Variants in PPFIA2 observed in about 807,000 individuals in gnomAD.
PPFIA2 encodes PPFI scaffold protein A2, also known as liprin-alpha-2.
Under a neutral mutation model 175.5 loss-of-function variants are expected in PPFIA2, and 46 were observed. The ratio of observed to expected loss-of-function variants is 0.26; its 90% CI spans 0.21 to 0.34. The LOEUF (loss-of-function observed/expected upper bound fraction) is 0.34, where lower values mean the gene tolerates loss of function less well. PPFIA2 is among the 10% of genes least tolerant of loss of function. PPFIA2 has a pLI of 1.00. For synonymous variants in PPFIA2, 568 were observed against 511.4 expected, an observed-to-expected ratio of 1.11 and a Z score of -1.49; for missense variants, 1,179 against 1,506.1, an observed-to-expected ratio of 0.78 and a Z score of 3.60.
intron 3 of PPFIA2, among the ~76,000 whole-genome samples, chr12:81,689,113 G>A (rs1489750374): frequency 2.6e-5 from 3 of 116,850 alleles, no homozygotes; most frequent in African/African-American, 1.2e-4. Context: ...GGAGAGATGA[G>A]ATCTTAAATT....
intron 4 of PPFIA2, among the ~76,000 whole-genome samples, chr12:81,486,629 C>T (rs2058847853): frequency 6.6e-6 from 1 of 151,740 alleles, no homozygotes; most frequent in South Asian, 2.1e-4. Flanking sequence ...ATATTTAAAT[C>T]AGCTTGTCAT....
chr12:81,444,164 T>C (rs1423322432), intron 6 of PPFIA2, among the ~76,000 whole-genome samples: 1 of 152,160 alleles, frequency 6.6e-6, no homozygotes, highest in Non-Finnish European at 1.5e-5. Flanking sequence ...ATGCCAACCT[T>C]TCTTGAAGAC....
intron 22 of PPFIA2, among the ~76,000 whole-genome samples, chr12:81,308,627 G>A (rs1315523664): frequency 6.6e-6 from 1 of 151,934 alleles, no homozygotes; most frequent in African/African-American, 2.4e-5. Context: ...CTTTTCCTAT[G>A]GTTCATTTGT....
rs189071529 is a variant in PPFIA2, at chr12:81,429,544, T to C, written c.645+10428A>G. Among the ~76,000 whole-genome samples, 3 of 152,164 alleles carry C rather than the reference T, an allele frequency of 2.0e-5. No homozygotes were observed. The East Asian group carries it at 5.8e-4, about 29-fold the overall frequency. On this transcript the variant is annotated intron_variant, in intron 7 of 32. Transcript: ENST00000549396. Reference sequence around the variant, plus strand: ...CAGCAAATCTCCTACTTTCTCCATGTTTTTCTGCATAATTATCAGCTATTT... The same window carrying C: ...CAGCAAATCTCCTACTTTCTCCATGCTTTTCTGCATAATTATCAGCTATTT...
At chr12:81,333,399 C>T (rs1489757922) in intron 21 of PPFIA2, among the ~76,000 whole-genome samples, 1 of 152,116 alleles carries the variant, frequency 6.6e-6, no homozygotes. Context: ...TTATGTTCTC[C>T]GAACGTGATT....
At chr12:81,458,820 C>T (rs1333480204) in intron 4 of PPFIA2, among the ~76,000 whole-genome samples, 5 of 151,892 alleles carry the variant, frequency 3.3e-5, no homozygotes, top group African/African-American at 4.8e-5. Flanking sequence ...ATATTATCAC[C>T]AAACCCTTTA....
chr12:81,719,898 T>C (rs1410670571), intron 3 of PPFIA2, among the ~76,000 whole-genome samples: 1 of 151,442 alleles, frequency 6.6e-6, no homozygotes. Context: ...AATATTTCAG[T>C]GTAAGGGAAC....
At chr12:81,326,837 C>A (rs943498809) in intron 21 of PPFIA2, among the ~76,000 whole-genome samples, 5 of 151,900 alleles carry the variant, frequency 3.3e-5, no homozygotes, top group African/African-American at 1.2e-4. Context: ...CAGTTAAGGT[C>A]AAGATTAGGT....
At chr12:81,522,019 T>C (rs951014347) in intron 4 of PPFIA2, among the ~76,000 whole-genome samples, 2 of 152,170 alleles carry the variant, frequency 1.3e-5, no homozygotes, top group African/African-American at 4.8e-5. Context: ...GGAATAAAGA[T>C]GAATCAAATA....
chr12:81,334,466 A>G (rs981701663), intron 21 of PPFIA2, among the ~76,000 whole-genome samples: 2 of 146,380 alleles, frequency 1.4e-5, no homozygotes, highest in African/African-American at 5.1e-5. Flanking sequence ...ATTTTGGATT[A>G]TCTATGTCTT....
chr12:81,657,648 C>G (rs952889213), intron 4 of PPFIA2, among the ~76,000 whole-genome samples: 1 of 152,086 alleles, frequency 6.6e-6, no homozygotes, highest in East Asian at 1.9e-4. Flanking sequence ...ATTTTATTTT[C>G]TAAATAAATT....
intron 28 of PPFIA2, among the ~76,000 whole-genome samples, chr12:81,272,040 A>G (rs1262052221): frequency 6.6e-6 from 1 of 152,154 alleles, no homozygotes; most frequent in East Asian, 1.9e-4. Flanking sequence ...TTAAGGTAAT[A>G]ATTCCATTTT....
chr12:81,671,440 C>T (rs1025376500), intron 4 of PPFIA2, among the ~76,000 whole-genome samples: 4 of 151,638 alleles, frequency 2.6e-5, no homozygotes, highest in African/African-American at 7.2e-5. Flanking sequence ...TCTAGGGAGA[C>T]AGACAAAAAA....
chr12:81,483,759 A>G (rs1209681801), intron 4 of PPFIA2, among the ~76,000 whole-genome samples: 1 of 152,132 alleles, frequency 6.6e-6, no homozygotes, highest in Non-Finnish European at 1.5e-5. Flanking sequence ...ATGGAAAATA[A>G]CTTTCATAGA....
chr12:81,342,822 C>G (rs886404902), intron 19 of PPFIA2, among the ~76,000 whole-genome samples: 10 of 151,934 alleles, frequency 6.6e-5, no homozygotes, highest in Non-Finnish European at 7.4e-5. Flanking sequence ...ATAAAATACC[C>G]TCTTTGTCCT....
chr12:81,622,129 C>T (rs1193416497), intron 4 of PPFIA2, among the ~76,000 whole-genome samples: 2 of 152,174 alleles, frequency 1.3e-5, no homozygotes, highest in Non-Finnish European at 2.9e-5. Flanking sequence ...CACATTCCTC[C>T]ACTATCTGGA....
At chr12:81,335,634 C>A (rs1374629909) in intron 21 of PPFIA2, among the ~76,000 whole-genome samples, 2 of 151,980 alleles carry the variant, frequency 1.3e-5, no homozygotes, top group Non-Finnish European at 2.9e-5. Flanking sequence ...ATCCCAGCTA[C>A]TAGGGAGGTT....
At chr12:81,759,198 G>T (rs1466767656) in intron 1 of PPFIA2, 82 bp downstream of exon 1, 1 of 24,946 alleles carries the variant, frequency 4.0e-5, no homozygotes, top group African/African-American at 1.5e-4. Flanking sequence ...CCCCCCCGCC[G>T]CCACAGCACA....
At chr12:81,626,694 A>T (rs2062749216) in intron 4 of PPFIA2, among the ~76,000 whole-genome samples, 1 of 152,084 alleles carries the variant, frequency 6.6e-6, no homozygotes, top group African/African-American at 2.4e-5. Context: ...ATTCAATTAG[A>T]GGACTCTACT....
Sources: gnomAD v4.1 joint callset for allele counts (sites outside exome capture counted in the v4.1 genomes callset) on GRCh38, gnomAD v4.1.1 for gene constraint, MANE v1.5 for transcripts, NCBI Gene and HGNC (gene_info 2026-07-23, HGNC 2026-07-21) for gene names.